The following CAPN13 variants were observed in gnomAD, a reference collection of about 807,000 sequenced individuals.
CAPN13 encodes the protein calpain-13.
A neutral mutation model predicts 98.4 loss-of-function variants in CAPN13; 90 were observed. The observed-to-expected ratio is 0.92, with a 90% CI of 0.77 to 1.09. The LOEUF is 1.09. Among genes scored for constraint, CAPN13 ranks in the 50% least tolerant of loss-of-function variants. The probability of loss-of-function intolerance (pLI) is 0.00; values close to 1 mark genes in which losing one functional copy is unlikely to be tolerated. For missense variants in CAPN13, 887 were observed against 841.3 expected (o/e 1.05, Z -0.67); for synonymous variants, 330 against 305.5 (o/e 1.08, Z -0.84).
chr2:30,775,306 C>T (rs1235673747), intron 4 of CAPN13, among the ~76,000 whole-genome samples: 6 of 151,946 alleles, frequency 3.9e-5, no homozygotes, highest in African/African-American at 7.3e-5. Context: ...AAAGATACAC[C>T]ACCAATATAA....
intron 4 of CAPN13, among the ~76,000 whole-genome samples, chr2:30,775,071 T>C (rs76810826): frequency 3.4e-3 from 513 of 152,312 alleles, no homozygotes; most frequent in Non-Finnish European, 6.0e-3. Context: ...TAGAAAATTA[T>C]CTATTTGCAG....
chr2:30,796,192 ATGTG>A (rs759372188), intron 1 of CAPN13, among the ~76,000 whole-genome samples: 1 of 139,368 alleles, frequency 7.2e-6, no homozygotes, highest in Non-Finnish European at 1.5e-5. Context: ...ATACATATAT[ATGTG>A]TGTGTATATA....
At chr2:30,764,793 G>A (rs957530357) in intron 5 of CAPN13, among the ~76,000 whole-genome samples, 1 of 152,100 alleles carries the variant, frequency 6.6e-6, no homozygotes, top group African/African-American at 2.4e-5. Context: ...GACTATGAGA[G>A]GCATATGTTT....
At chr2:30,723,979 C>T (rs1379910284) in intron 22 of CAPN13, among the ~76,000 whole-genome samples, 2 of 152,172 alleles carry the variant, frequency 1.3e-5, no homozygotes, top group East Asian at 3.8e-4. Context: ...TAAACTCTTT[C>T]TTCTGATGTT....
At chr2:30,759,154 T>A (rs1475894436) in intron 7 of CAPN13, among the ~76,000 whole-genome samples, 1 of 81,064 alleles carries the variant, frequency 1.2e-5, no homozygotes. Flanking sequence ...CCCCTTCCTT[T>A]TTTCCTCCCT....
chr2:30,768,723 T>C (rs1673236024), intron 5 of CAPN13, among the ~76,000 whole-genome samples: 1 of 152,034 alleles, frequency 6.6e-6, no homozygotes, highest in African/African-American at 2.4e-5. Flanking sequence ...CCACATTCTT[T>C]TTCTCCTCCA....
intron 9 of CAPN13, 22 bp from the exon 10 acceptor site, chr2:30,753,220 C>A (rs543854282): frequency 6.2e-7 from 1 of 1,613,018 alleles, no homozygotes; most frequent in Admixed American, 1.7e-5. Flanking sequence ...AGATATACAT[C>A]ACTCAGTGAC....
At chr2:30,755,997 T>C (rs530212562) in intron 8 of CAPN13, among the ~76,000 whole-genome samples, 17 of 152,116 alleles carry the variant, frequency 1.1e-4, no homozygotes, top group South Asian at 1.0e-3. Flanking sequence ...TTGGAGACAG[T>C]GATTATGCAG....
intron 20 of CAPN13, 77 bp from the exon 21 acceptor site, chr2:30,731,476 C>T (rs1671092677): frequency 7.9e-7 from 1 of 1,260,934 alleles, no homozygotes; most frequent in African/African-American, 1.5e-5. Flanking sequence ...AGGCCTGGGC[C>T]CATAAGAAGC....
rs1319340609 is a variant in CAPN13 at position 30,759,086 on chromosome 2, T to C, written c.775-949A>G. Among the ~76,000 whole-genome samples the C allele has an allele frequency of 3.6e-5, 3 of 82,572 alleles. 1 individual carries two copies. The highest frequency in any genetic ancestry group is 1.6e-4 in the Admixed American group (1 of 6,200). 54.2% of individuals were successfully genotyped at this position (82,572 alleles called of 152,430 possible). A position where few individuals can be genotyped will look rare whatever the true frequency, so the allele number is the denominator to read the frequency against. On this transcript the variant is annotated intron_variant, in intron 7 of 22. Coordinates refer to ENST00000295055, the MANE Select transcript of CAPN13 (RefSeq NM_144575.3). ...TCCCTCCCTCCTCCCTCCCTTCCTC[T>C]CTGCCTCCCTTCATCCCTCCCTCCC...
At chr2:30,723,662 GC>G (rs1670765109) in intron 22 of CAPN13, among the ~76,000 whole-genome samples, 1 of 152,162 alleles carries the variant, frequency 6.6e-6, no homozygotes, top group African/African-American at 2.4e-5. Context: ...CAGATGGCTA[GC>G]TTTGGACTTC....
At chr2:30,804,109 G>C in intron 1 of CAPN13, among the ~76,000 whole-genome samples, 1 of 152,224 alleles carries the variant, frequency 6.6e-6, no homozygotes, top group Non-Finnish European at 1.5e-5. Flanking sequence ...AAGAGACTGA[G>C]CCCATGAACA....
At chr2:30,788,224 C>T (rs936453025) in intron 1 of CAPN13, among the ~76,000 whole-genome samples, 1 of 152,214 alleles carries the variant, frequency 6.6e-6, no homozygotes, top group African/African-American at 2.4e-5. Flanking sequence ...GAACCTATTT[C>T]TCCACCTGTA....
At chr2:30,732,315 C>T (rs1671143070) in intron 20 of CAPN13, 123 bp downstream of exon 20, 3 of 1,266,970 alleles carry the variant, frequency 2.4e-6, no homozygotes, top group African/African-American at 1.5e-5. Flanking sequence ...CTCACACAGG[C>T]TGCTGGCCCA....
At chr2:30,739,252 C>T (rs184577142) in intron 15 of CAPN13, among the ~76,000 whole-genome samples, 7 of 152,268 alleles carry the variant, frequency 4.6e-5, no homozygotes, top group African/African-American at 1.4e-4. Flanking sequence ...ATGCTGCTAT[C>T]GCCCTGGGAA....
At chr2:30,799,961 C>T (rs1445411094) in intron 1 of CAPN13, among the ~76,000 whole-genome samples, 1 of 151,960 alleles carries the variant, frequency 6.6e-6, no homozygotes, top group Non-Finnish European at 1.5e-5. Context: ...GCAGTCCCAG[C>T]TACTCGGGAG....
At chr2:30,779,880 C>G (rs1476117479) in intron 2 of CAPN13, among the ~76,000 whole-genome samples, 3 of 151,974 alleles carry the variant, frequency 2.0e-5, no homozygotes. Flanking sequence ...TGGCAAAAAC[C>G]ACAATTACTT....
Position 30,769,284 on chromosome 2 carries a change from T to A in CAPN13, c.524+1029A>T, listed in dbSNP as rs78650160. ...AAGTGTGTGTAGCCAAGCTAAGTATTGTCGGGTTGTCCTTCAGAAGGCTGC... is the reference window on the plus strand; with the variant it reads ...AAGTGTGTGTAGCCAAGCTAAGTATAGTCGGGTTGTCCTTCAGAAGGCTGC... On this transcript the variant is annotated intron_variant, in intron 5 of 22. Transcript: ENST00000295055. Among the ~76,000 whole-genome samples the A allele has an allele frequency of 8.2e-3, 1,240 of 152,008 alleles. 15 individuals are homozygous for A. Among genetic ancestry groups the A allele is most frequent in the African/African-American group, 0.029 (1,184 of 41,496 alleles).
chr2:30,747,045 A>T (rs1410744420), intron 11 of CAPN13, among the ~76,000 whole-genome samples: 1 of 152,186 alleles, frequency 6.6e-6, no homozygotes, highest in Non-Finnish European at 1.5e-5. Flanking sequence ...CTGTAAATAG[A>T]TGGGAATTCG....
Sources: gnomAD v4.1 joint callset for allele counts (sites outside exome capture counted in the v4.1 genomes callset) on GRCh38, gnomAD v4.1.1 for gene constraint, MANE v1.5 for transcripts, NCBI Gene and HGNC (gene_info 2026-07-23, HGNC 2026-07-21) for gene names.